The following HECTD4 variants were observed in gnomAD, a reference collection of about 807,000 sequenced individuals.
HECTD4 encodes probable E3 ubiquitin-protein ligase HECTD4.
A neutral mutation model predicts 471.5 loss-of-function variants in HECTD4; 114 were observed. The observed-to-expected ratio is 0.24, with a 90% CI of 0.21 to 0.28. The LOEUF (loss-of-function observed/expected upper bound fraction) is 0.28, where lower values mean the gene tolerates loss of function less well. HECTD4 is among the 10% of genes least tolerant of loss of function. The pLI is 1.00. For synonymous variants in HECTD4, 2,012 were observed against 2,256.0 expected (o/e 0.89, Z 3.07); for missense variants, 3,866 against 5,651.5 (o/e 0.68, Z 10.13).
intron 1 of HECTD4, among the ~76,000 whole-genome samples, chr12:112,325,276 T>C (rs2135709279): frequency 6.6e-6 from 1 of 152,332 alleles, no homozygotes; most frequent in Admixed American, 6.5e-5. Flanking sequence ...ATAATATAAT[T>C]AACCAAATAT....
chr12:112,229,949 G>A, intron 40 of HECTD4, 69 bp from the exon 41 acceptor site: 5 of 1,432,776 alleles, frequency 3.5e-6, no homozygotes, highest in Non-Finnish European at 4.7e-6. Flanking sequence ...GGGTGATAAA[G>A]TGTCTACAAC....
In HECTD4 at chr12:112,367,099, C is replaced by A. The variant is rs544615931; in HGVS notation, c.177+14853G>T. 2.7e-5 allele frequency among the ~76,000 whole-genome samples: 4 copies of A among 148,742 alleles called. No individual in the cohort carries two copies. The South Asian group carries it at 8.5e-4, about 32-fold the overall frequency. ...AGCAGATTACTTGAGGTCAGGAGTACGAGACCCGTCTGGCCAACATGGTGA... is the reference window on the plus strand; with the variant it reads ...AGCAGATTACTTGAGGTCAGGAGTAAGAGACCCGTCTGGCCAACATGGTGA... On this transcript the variant is annotated intron_variant, in intron 1 of 75. Transcript: ENST00000682272.
At position 112,258,480 on chromosome 12, in the gene HECTD4, A is replaced by G. The variant is rs1046693825; in HGVS notation, c.3128+16T>C. The G allele has an allele frequency of 5.8e-6, 9 of 1,543,086 alleles. No individual in the cohort carries two copies. In the African/African-American group the frequency reaches 1.3e-4, roughly 22 times the overall value. ...AAACAAGAAAAGGGTTCCTGCAAGG[A>G]AGCAGCATTCATTACCTCTCATCAG... On this transcript the variant is annotated intron_variant, in intron 20 of 75. Coordinates refer to ENST00000682272, the MANE Select transcript of HECTD4 (RefSeq NM_001388303.1).
rs77924357 is a variant in HECTD4 at position 112,249,939 on chromosome 12, G to A, written c.3950+205C>T. ...CAACAAGTTCCCAAGTGATGCCAATGCTGCTGACTGGTGGGCCAAATTTTG... is the reference window on the plus strand; with the variant it reads ...CAACAAGTTCCCAAGTGATGCCAATACTGCTGACTGGTGGGCCAAATTTTG... On this transcript the variant is annotated intron_variant, in intron 25 of 75. Transcript: ENST00000682272. The A allele has an allele frequency of 2.1e-3, 1,212 of 573,682 alleles. 12 individuals are homozygous for A. The highest frequency in any genetic ancestry group is 0.02 in the African/African-American group (1,083 of 53,308). 35.5% of individuals were successfully genotyped at this position (573,682 alleles called of 1,614,324 possible).
At position 112,194,440 on chromosome 12, in the gene HECTD4, G is replaced by C. The variant is rs2032173931; in HGVS notation, c.8749+445C>G. Among the ~76,000 whole-genome samples, 1 of 152,176 alleles carries C rather than the reference G, an allele frequency of 6.6e-6. No homozygotes were observed. Among genetic ancestry groups the C allele is most frequent in the Admixed American group, 6.5e-5 (1 of 15,280 alleles). On this transcript the variant is annotated intron_variant, in intron 56 of 75. Transcript: ENST00000682272. This position sits in a 1 kb window ranked among gnomAD's most constrained non-coding sequence, Gnocchi z 4.6. ...AGACTCATCACCTGGCATTCACTGGGGATCAGACACAGCCCTCATGCCAAG... is the reference window on the plus strand; with the variant it reads ...AGACTCATCACCTGGCATTCACTGGCGATCAGACACAGCCCTCATGCCAAG...
rs1267847471 is a variant in HECTD4, at chr12:112,313,090, G to C, written c.843C>G (p.His281Gln). 1.1e-5 allele frequency: 17 copies of C among 1,535,580 alleles called. No individual in the cohort carries two copies. ...GSPSCLLGGK[H>Q]IVSWGYEDML... ...TGTCTTCATAACCCCATGATACTAT[G>C]TGTTTGCCCCCAAGCAAACAGGAGG... The change falls in exon 4 of 76, where the codon CAC (histidine) becomes CAG (glutamine). Residue 281 changes from histidine (H) to glutamine (Q), a missense_variant. Around this residue, in one of 16 missense-constraint regions of HECTD4, gnomAD observed 440 missense variants for 636.0 expected, o/e 0.69. Coordinates refer to ENST00000682272, the MANE Select transcript of HECTD4 (RefSeq NM_001388303.1).
chr12:112,291,110 T>G (rs2034875493), intron 7 of HECTD4, among the ~76,000 whole-genome samples: 2 of 152,094 alleles, frequency 1.3e-5, no homozygotes, highest in African/African-American at 4.8e-5. Context: ...AAATGTTTCT[T>G]TACAAAATTT....
intron 1 of HECTD4, among the ~76,000 whole-genome samples, chr12:112,346,574 C>T (rs2036155228): frequency 6.6e-6 from 1 of 152,184 alleles, no homozygotes; most frequent in South Asian, 2.1e-4. Flanking sequence ...AAGACAAGCA[C>T]AAACAAAACC....
rs1455898211 is a variant in HECTD4, at chr12:112,382,294, T to C, written c.-166A>G. On this transcript the variant is annotated 5_prime_UTR_variant, in exon 1 of 76. An upstream start codon of the reference 5' UTR is lost. Coordinates refer to ENST00000682272, the MANE Select transcript of HECTD4 (RefSeq NM_001388303.1). ...CCGCCCTAGGCGGTCCGAGTCGCCA[T>C]ACCCCCGACCCCGGCCCGGGAGACC... 6.1e-6 allele frequency: 3 copies of C among 488,510 alleles called. No homozygotes were observed. The highest frequency in any genetic ancestry group is 9.0e-6 in the Non-Finnish European group (3 of 331,690). 30.3% of individuals were successfully genotyped at this position (488,510 alleles called of 1,614,324 possible). A position where few individuals can be genotyped will look rare whatever the true frequency, so the allele number is the denominator to read the frequency against.
chr12:112,252,518 T>C lies in HECTD4; in HGVS notation c.3458A>G (p.Asp1153Gly), dbSNP rs763994966. Residue 1153 changes from aspartate to glycine, a missense_variant, in exon 23 of 76, where the codon GAT (aspartate) becomes GGT (glycine). Asp to Gly is a moderately conservative substitution (Grantham distance 94). Transcript: ENST00000682272. ...CATTTCAAAGGAGAAGGTGACTGTATCTCCTTCCACCTTAAAATTTAAGGA... is the reference window on the plus strand; with the variant it reads ...CATTTCAAAGGAGAAGGTGACTGTACCTCCTTCCACCTTAAAATTTAAGGA... ...WPKDLVKVEG[D>G]TVTFSFEMRS... 1.2e-6 allele frequency: 2 copies of C among 1,611,452 alleles called. No individual in the cohort carries two copies. Among genetic ancestry groups the C allele is most frequent in the Non-Finnish European group, 1.7e-6 (2 of 1,178,728 alleles).
chr12:112,183,595 T>C (rs2031751322), intron 61 of HECTD4, among the ~76,000 whole-genome samples: 1 of 152,200 alleles, frequency 6.6e-6, no homozygotes, highest in Non-Finnish European at 1.5e-5. Context: ...GAAGTGATTC[T>C]AGGAAAGAAA....
chr12:112,190,560 T>A (rs2032044241), intron 60 of HECTD4, among the ~76,000 whole-genome samples: 1 of 152,174 alleles, frequency 6.6e-6, no homozygotes, highest in African/African-American at 2.4e-5. Context: ...TAGTTTCCAA[T>A]CCTCAAAATA....
At chr12:112,369,230 G>A (rs918623917) in intron 1 of HECTD4, among the ~76,000 whole-genome samples, 1 of 152,150 alleles carries the variant, frequency 6.6e-6, no homozygotes, top group Non-Finnish European at 1.5e-5. Context: ...GAAAACTCTG[G>A]CTTCTTTGGC....
intron 17 of HECTD4, 74 bp downstream of exon 17, chr12:112,264,008 AAC>A: frequency 7.2e-7 from 1 of 1,390,214 alleles, no homozygotes; most frequent in Non-Finnish European, 9.6e-7. Context: ...GACATCATAA[AAC>A]ACAGAAATTT....
intron 7 of HECTD4, among the ~76,000 whole-genome samples, chr12:112,296,085 T>C (rs1330680523): frequency 1.3e-5 from 2 of 152,120 alleles, no homozygotes; most frequent in Non-Finnish European, 2.9e-5. Context: ...GTGAGTAACA[T>C]GGAGGAAGCA....
At position 112,266,775 on chromosome 12, in the gene HECTD4, C is replaced by G. The variant is rs1032318040; in HGVS notation, c.2392+137G>C. 4.6e-6 allele frequency: 3 copies of G among 652,662 alleles called. No individual in the cohort carries two copies. The African/African-American group carries it at 5.6e-5, about 12-fold the overall frequency. 40.4% of individuals were successfully genotyped at this position (652,662 alleles called of 1,614,324 possible). On this transcript the variant is annotated intron_variant, in intron 14 of 75. Transcript: ENST00000682272. ...GGGATTACAGGTGTGAGCCACCGTG[C>G]CTGGCCTGCAGATACATTTCTTAAA...
In HECTD4 at chr12:112,306,130, A is replaced by C. The variant is rs1594030026; in HGVS notation, c.1269T>G (p.Ser423=). ...GTGTTTTCTCATTCAGGCTGGCAGG[A>C]GACCAGATCCAATAGAAGTAAGTGC... ...SDGTYFYWIW[S]PASLNEKTPK... Residue 423 remains serine, a synonymous_variant, in exon 7 of 76, where the codon TCT becomes TCG. Transcript: ENST00000682272. 1 of 1,613,176 alleles carries C rather than the reference A, an allele frequency of 6.2e-7. No homozygotes were observed. The highest frequency in any genetic ancestry group is 2.2e-5 in the East Asian group (1 of 44,824).
chr12:112,253,989 A>G, intron 22 of HECTD4, 54 bp downstream of exon 22: 6 of 1,596,032 alleles, frequency 3.8e-6, no homozygotes, highest in Non-Finnish European at 5.1e-6. Flanking sequence ...TGGACCTGTG[A>G]GGACTGCAAG....
At chr12:112,237,181 C>A in intron 34 of HECTD4, 83 bp from the exon 35 acceptor site, 1 of 1,240,782 alleles carries the variant, frequency 8.1e-7, no homozygotes, top group South Asian at 1.6e-5. Context: ...CGAGCCCTGT[C>A]CATTTATCTT....
Sources: gnomAD v4.1 joint callset for allele counts (sites outside exome capture counted in the v4.1 genomes callset) on GRCh38, gnomAD v4.1.1 for gene constraint, gnomAD v4.1.1 regional missense constraint, Gnocchi (gnomAD v3.1) non-coding constraint, MANE v1.5 for transcripts, NCBI Gene and HGNC (gene_info 2026-07-23, HGNC 2026-07-21) for gene names.